Variants in ASCC3 observed in about 807,000 individuals in gnomAD.
ASCC3 encodes ASC-1 complex subunit P200.
In ASCC3, 158 loss-of-function variants were observed where a neutral mutation model predicts 256.3. The ratio of observed to expected loss-of-function variants is 0.62; its 90% CI spans 0.54 to 0.70. The LOEUF (loss-of-function observed/expected upper bound fraction) is 0.70, where lower values mean the gene tolerates loss of function less well. Among genes scored for constraint, ASCC3 ranks in the 30% least tolerant of loss-of-function variants. The pLI is 0.00. For synonymous variants in ASCC3, 948 were observed against 883.4 expected, an observed-to-expected ratio of 1.07 and a Z score of -1.30; for missense variants, 2,259 against 2,626.0, an observed-to-expected ratio of 0.86 and a Z score of 3.05.
intron 4 of ASCC3, among the ~76,000 whole-genome samples, chr6:100,838,097 T>C (rs1251276217): frequency 1.3e-5 from 2 of 152,138 alleles, no homozygotes; most frequent in Non-Finnish European, 2.9e-5. Context: ...AAAGTTGTTC[T>C]ATACATTAAA....
intron 37 of ASCC3, among the ~76,000 whole-genome samples, chr6:100,538,733 T>C (rs938916966): frequency 6.6e-6 from 1 of 152,102 alleles, no homozygotes; most frequent in African/African-American, 2.4e-5. Flanking sequence ...ACCTGAGAGA[T>C]ACTTAGGTTA....
chr6:100,838,063 T>A (rs1316016762), intron 4 of ASCC3, among the ~76,000 whole-genome samples: 1 of 151,962 alleles, frequency 6.6e-6, no homozygotes, highest in Non-Finnish European at 1.5e-5. Flanking sequence ...GTAAATAGTA[T>A]GACCAAAAAA....
At position 100,574,060 on chromosome 6, in the gene ASCC3, A is replaced by G. The variant is rs190463954; in HGVS notation, c.5550+15574T>C. On this transcript the variant is annotated intron_variant, in intron 36 of 41. Transcript: ENST00000369162. ...TTACATAAAGCTATATTGAGCAGCA[A>G]TGGCACACAGAACTAGATACAAGCT... Among the ~76,000 whole-genome samples, 844 of 152,236 alleles carry G rather than the reference A, an allele frequency of 5.5e-3. 7 individuals carry two copies. The highest frequency in any genetic ancestry group is 0.014 in the Middle Eastern group (4 of 294).
chr6:100,760,637 T>A (rs1285289789), intron 10 of ASCC3, among the ~76,000 whole-genome samples: 2 of 152,132 alleles, frequency 1.3e-5, no homozygotes, highest in Admixed American at 1.3e-4. Context: ...TAGAAGATAG[T>A]TTTAAAGCCT....
Position 100,669,344 on chromosome 6 carries a change from C to A in ASCC3, c.2287-6808G>T, listed in dbSNP as rs1057060937. ...TATACACTATATATATATACACAGA[C>A]AATAACTCATAAAATAAGTGGAAAA... On this transcript the variant is annotated intron_variant, in intron 14 of 41. Coordinates refer to ENST00000369162, the MANE Select transcript of ASCC3 (RefSeq NM_006828.4). Among the ~76,000 whole-genome samples the A allele has an allele frequency of 6.0e-5, 9 of 149,710 alleles. 1 individual carries two copies. In the East Asian group the frequency reaches 1.2e-3, roughly 20 times the overall value.
intron 13 of ASCC3, among the ~76,000 whole-genome samples, chr6:100,702,194 G>A (rs1180032341): frequency 3.9e-5 from 6 of 152,124 alleles, no homozygotes; most frequent in East Asian, 1.9e-4. Context: ...CTTGGCTTAC[G>A]TAGTGGTGGC....
chr6:100,678,126 T>C (rs1442867681), intron 14 of ASCC3, among the ~76,000 whole-genome samples: 2 of 152,274 alleles, frequency 1.3e-5, no homozygotes, highest in East Asian at 1.9e-4. Flanking sequence ...AGTGACCACT[T>C]AATAAATGTT....
chr6:100,529,213 C>T (rs1009931441), intron 37 of ASCC3, among the ~76,000 whole-genome samples: 6 of 151,928 alleles, frequency 3.9e-5, no homozygotes, highest in African/African-American at 1.5e-4. Flanking sequence ...GTGCATTTAC[C>T]TTTTATTATA....
chr6:100,592,092 T>C (rs541442691), intron 34 of ASCC3, among the ~76,000 whole-genome samples: 1 of 145,128 alleles, frequency 6.9e-6, no homozygotes, highest in South Asian at 2.1e-4. Flanking sequence ...TTCATCCAGA[T>C]AAAATATAGT....
intron 10 of ASCC3, among the ~76,000 whole-genome samples, chr6:100,757,627 A>G (rs1582817687): frequency 2.6e-5 from 4 of 152,194 alleles, no homozygotes; most frequent in African/African-American, 9.6e-5. Context: ...TTTTAAGTCT[A>G]TATGGCTGAA....
At chr6:100,749,745 G>A (rs1780851405) in intron 10 of ASCC3, among the ~76,000 whole-genome samples, 1 of 151,788 alleles carries the variant, frequency 6.6e-6, no homozygotes, top group African/African-American at 2.4e-5. Context: ...TAAAATCAAT[G>A]ATGAATCCAA....
At chr6:100,687,011 ATCTCTC>A (rs374661172) in intron 13 of ASCC3, among the ~76,000 whole-genome samples, 60 of 141,614 alleles carry the variant, frequency 4.2e-4, no homozygotes, top group South Asian at 6.8e-4. Flanking sequence ...CTGTACTTAA[ATCTCTC>A]TCTCTCTCTC....
intron 25 of ASCC3, among the ~76,000 whole-genome samples, chr6:100,635,790 A>G (rs1307034063): frequency 1.3e-5 from 2 of 152,132 alleles, no homozygotes; most frequent in Non-Finnish European, 2.9e-5. Context: ...TTGACTTGTA[A>G]TGTATTTGAT....
In ASCC3 at chr6:100,604,618, TA is replaced by T. The variant is rs1046098839; in HGVS notation, c.5177+949del. Reference sequence around the variant, plus strand: ...ATGCCTGGCTAACTTTTTTTTTTTTTACTTTTTTGTAGAGACAGGATCTATC... The same window carrying T: ...ATGCCTGGCTAACTTTTTTTTTTTTTCTTTTTTGTAGAGACAGGATCTATC... On this transcript the variant is annotated intron_variant, in intron 33 of 41. Transcript: ENST00000369162. Among the ~76,000 whole-genome samples, 19 of 151,652 alleles carry T rather than the reference TA, an allele frequency of 1.3e-4. 1 individual carries two copies. The highest frequency in any genetic ancestry group is 1.9e-4 in the Non-Finnish European group (13 of 67,896).
At chr6:100,806,991 TAC>T (rs1770216856) in intron 4 of ASCC3, among the ~76,000 whole-genome samples, 2 of 151,928 alleles carry the variant, frequency 1.3e-5, no homozygotes, top group Non-Finnish European at 1.5e-5. Flanking sequence ...TTAGAAAATT[TAC>T]ACAAATTGGC....
intron 1 of ASCC3, among the ~76,000 whole-genome samples, chr6:100,879,202 G>A (rs907094669): frequency 3.9e-5 from 6 of 152,164 alleles, no homozygotes; most frequent in African/African-American, 1.4e-4. Context: ...GAACTTCCAA[G>A]TACTTCCTGG....
intron 36 of ASCC3, among the ~76,000 whole-genome samples, chr6:100,583,225 T>C (rs1480419300): frequency 6.6e-6 from 1 of 152,230 alleles, no homozygotes; most frequent in Non-Finnish European, 1.5e-5. Flanking sequence ...CTGGACTCTT[T>C]TTCGTTGGTA....
chr6:100,810,632 A>G (rs1008465827), intron 4 of ASCC3, among the ~76,000 whole-genome samples: 1 of 152,196 alleles, frequency 6.6e-6, no homozygotes, highest in Admixed American at 6.6e-5. Flanking sequence ...GTCTATATAC[A>G]AAATCTCAAA....
intron 40 of ASCC3, 36 bp from the exon 41 acceptor site, chr6:100,510,143 A>G: frequency 1.2e-6 from 2 of 1,610,884 alleles, no homozygotes; most frequent in Non-Finnish European, 1.7e-6. Context: ...CATTAAAAAT[A>G]TCTAGACTTC....
Sources: gnomAD v4.1 joint callset for allele counts (sites outside exome capture counted in the v4.1 genomes callset) on GRCh38, gnomAD v4.1.1 for gene constraint, MANE v1.5 for transcripts, NCBI Gene and HGNC (gene_info 2026-07-23, HGNC 2026-07-21) for gene names.